The following YIF1B variants were observed in gnomAD, a reference collection of about 807,000 sequenced individuals.
YIF1B encodes protein YIF1B.
YIF1B carries 24 observed loss-of-function variants against 34.6 expected under a neutral mutation model. That is an observed-to-expected ratio of 0.69 (90% confidence interval 0.50 to 0.98). YIF1B has a LOEUF of 0.98. Ranked by LOEUF, YIF1B falls within the 50% of genes least tolerant of loss-of-function variation. The probability of loss-of-function intolerance (pLI) is 0.00; values close to 1 mark genes in which losing one functional copy is unlikely to be tolerated. For missense variants in YIF1B, 368 were observed against 429.4 expected, an observed-to-expected ratio of 0.86 and a Z score of 1.26; for synonymous variants, 186 against 184.8, an observed-to-expected ratio of 1.01 and a Z score of -0.05.
Position 38,305,161 on chromosome 19 carries a change from G to C in YIF1B, c.*191C>G. ...GTTTCTGTAACAGCGGCCACGCCCTGGGGCGGTGGCCTGTGCAGCTGGAGA... is the reference window on the plus strand; with the variant it reads ...GTTTCTGTAACAGCGGCCACGCCCTCGGGCGGTGGCCTGTGCAGCTGGAGA... On this transcript the variant is annotated 3_prime_UTR_variant, in exon 8 of 8. Coordinates refer to ENST00000339413, the MANE Select transcript of YIF1B (RefSeq NM_001039672.3). 3.6e-6 allele frequency: 5 copies of C among 1,379,040 alleles called. No individual in the cohort carries two copies. Among genetic ancestry groups the C allele is most frequent in the Non-Finnish European group, 4.8e-6 (5 of 1,036,118 alleles). The allele number at this position is 1,379,040 out of a possible 1,614,324, so 85.4% of individuals were successfully genotyped here.
At chr19:38,315,185 C>T (rs1969493843) in intron 1 of YIF1B, among the ~76,000 whole-genome samples, 1 of 149,918 alleles carries the variant, frequency 6.7e-6, no homozygotes, top group Admixed American at 6.7e-5. Flanking sequence ...GCGGAGGTTG[C>T]GGTGACCTGA....
intron 7 of YIF1B, 142 bp downstream of exon 7, chr19:38,307,286 C>A: frequency 1.1e-6 from 1 of 885,370 alleles, no homozygotes; most frequent in Non-Finnish European, 1.7e-6. Context: ...CCTGACCCCC[C>A]AGGCCGGGCA....
Position 38,304,760 on chromosome 19 carries a change from G to C in YIF1B, c.*592C>G. ...GAGGCGTCCCCGCACTGGGGCTGGC[G>C]GGGAGGGTGCGGGGAGTGGTCCCCC... is the stretch of plus-strand genomic sequence containing the variant. On this transcript the variant is annotated 3_prime_UTR_variant, in exon 8 of 8. Coordinates refer to ENST00000339413, the MANE Select transcript of YIF1B (RefSeq NM_001039672.3). 1 of 1,611,884 alleles carries C rather than the reference G, an allele frequency of 6.2e-7. No homozygotes were observed.
intron 3 of YIF1B, 46 bp from the exon 4 acceptor site, chr19:38,309,103 C>T (rs759856283): frequency 5.8e-6 from 9 of 1,557,482 alleles, no homozygotes; most frequent in Admixed American, 1.8e-5. Flanking sequence ...CCAGGCCCCT[C>T]CCACCCTGCT....
rs759589096 is a variant in YIF1B, at chr19:38,305,312, CCAGCAG to C, written c.*34_*39del. 5 of 1,581,198 alleles carry C rather than the reference CCAGCAG, an allele frequency of 3.2e-6. No individual in the cohort carries two copies. Among genetic ancestry groups the C allele is most frequent in the Non-Finnish European group, 4.3e-6 (5 of 1,161,316 alleles). ...ATGAGTTCGGCGGCCACAGTGGCCCCCAGCAGCAGCAGCAGCAGCGGGAGGTTCAGC... is the reference window on the plus strand; with the variant it reads ...ATGAGTTCGGCGGCCACAGTGGCCCCCAGCAGCAGCAGCGGGAGGTTCAGC... On this transcript the variant is annotated 3_prime_UTR_variant, in exon 8 of 8. Transcript: ENST00000339413.
chr19:38,304,478 T>A lies in YIF1B; in HGVS notation c.*874A>T, dbSNP rs1160092390. On this transcript the variant is annotated 3_prime_UTR_variant, in exon 8 of 8. Transcript: ENST00000339413. Reference sequence around the variant, plus strand: ...AGGGCCGGTCGGAGGCAGGGGCAGGTCCGGGTCCAAAGGTAAGTCGCCTCA... The same window carrying A: ...AGGGCCGGTCGGAGGCAGGGGCAGGACCGGGTCCAAAGGTAAGTCGCCTCA... 6.4e-7 allele frequency: 1 copy of A among 1,554,946 alleles called. No individual in the cohort carries two copies. Among genetic ancestry groups the A allele is most frequent in the Middle Eastern group, 1.7e-4 (1 of 5,992 alleles).
chr19:38,314,937 CT>C (rs1330195030), intron 1 of YIF1B, among the ~76,000 whole-genome samples: 1 of 151,964 alleles, frequency 6.6e-6, no homozygotes, highest in East Asian at 1.9e-4. Context: ...AAATCTCCTT[CT>C]CCTGGGTAAC....
chr19:38,316,068 G>T, upstream of YIF1B: 4 of 1,157,698 alleles, frequency 3.5e-6, no homozygotes, highest in Non-Finnish European at 4.4e-6. Flanking sequence ...CCCCCTTCAC[G>T]GAGGCCTGGA....
At chr19:38,307,556 G>A (rs1486577261) in intron 6 of YIF1B, 35 bp from the exon 7 acceptor site, 3 of 1,613,650 alleles carry the variant, frequency 1.9e-6, no homozygotes, top group African/African-American at 1.3e-5. Flanking sequence ...TGAGGACAAG[G>A]CCCAAGGGCT....
At chr19:38,310,091 C>A (rs1969258925) in intron 1 of YIF1B, among the ~76,000 whole-genome samples, 1 of 145,438 alleles carries the variant, frequency 6.9e-6, no homozygotes, top group Non-Finnish European at 1.5e-5. Context: ...CATCCACCCT[C>A]CCACCCATCA....
upstream of YIF1B, chr19:38,320,227 T>G (rs1969634435): frequency 1.1e-5 from 18 of 1,605,178 alleles, no homozygotes; most frequent in Non-Finnish European, 1.4e-5. Context: ...CGCCTGGGAC[T>G]TCGCCTCTGC....
chr19:38,308,907 C>T, intron 4 of YIF1B, 58 bp from the exon 5 acceptor site: 1 of 1,613,490 alleles, frequency 6.2e-7, no homozygotes. Flanking sequence ...CCTGGGCCTC[C>T]AGGCACCCAC....
chr19:38,314,042 C>G (rs988678707), intron 1 of YIF1B, among the ~76,000 whole-genome samples: 5 of 151,698 alleles, frequency 3.3e-5, no homozygotes, highest in African/African-American at 1.2e-4. Flanking sequence ...TTTTTCTTTT[C>G]TTGAGGCGTT....
rs118058397 is a variant in YIF1B, at chr19:38,308,039, C to G, written c.540-287G>C. 2.6e-3 allele frequency among the ~76,000 whole-genome samples: 396 copies of G among 152,282 alleles called. 10 individuals carry two copies. The East Asian group carries it at 0.051, about 19-fold the overall frequency. On this transcript the variant is annotated intron_variant, in intron 5 of 7. Transcript: ENST00000339413. ...CAGGAGAGGGGACACCGAGCTGAAG[C>G]CTGCAGGAAGGAGCTGGTCAGGGAC...
intron 1 of YIF1B, among the ~76,000 whole-genome samples, chr19:38,312,889 C>CA (rs1354580437): frequency 4.6e-5 from 7 of 152,126 alleles, no homozygotes; most frequent in Non-Finnish European, 1.0e-4. Context: ...TCCTCAATTC[C>CA]AAGGCAAGCA....
chr19:38,316,017 G>T, upstream of YIF1B: 1 of 1,341,882 alleles, frequency 7.5e-7, no homozygotes, highest in Non-Finnish European at 9.5e-7. Flanking sequence ...CGTCAGGATT[G>T]AGGGAAGGCC....
chr19:38,305,883 G>A (rs556961208), intron 7 of YIF1B, among the ~76,000 whole-genome samples: 1 of 152,180 alleles, frequency 6.6e-6, no homozygotes, highest in East Asian at 1.9e-4. Context: ...AGACACGCCA[G>A]AAATGCTATC....
upstream of YIF1B, chr19:38,320,398 A>T: frequency 9.6e-7 from 1 of 1,039,426 alleles, no homozygotes; most frequent in Non-Finnish European, 1.4e-6. Context: ...GGATCCCCCG[A>T]AAAGACCCCA....
In YIF1B at chr19:38,303,832, G is replaced by A. The variant is rs150656456; in HGVS notation, c.*1520C>T. Among the ~76,000 whole-genome samples the A allele has an allele frequency of 2.6e-5, 4 of 152,362 alleles. No homozygotes were observed. The highest frequency in any genetic ancestry group is 6.5e-5 in the Admixed American group (1 of 15,306). On this transcript the variant is annotated 3_prime_UTR_variant, in exon 8 of 8. Transcript: ENST00000339413. Reference sequence around the variant, plus strand: ...AGACGCTGCTCACCAAGCCGGAGGGGCTGTGGGAGCGAGTTAGAACACGGG... The same window carrying A: ...AGACGCTGCTCACCAAGCCGGAGGGACTGTGGGAGCGAGTTAGAACACGGG...
Sources: gnomAD v4.1 joint callset for allele counts (sites outside exome capture counted in the v4.1 genomes callset) on GRCh38, gnomAD v4.1.1 for gene constraint, MANE v1.5 for transcripts, NCBI Gene and HGNC (gene_info 2026-07-23, HGNC 2026-07-21) for gene names.